RICTOR: variants seen among roughly 807,000 people sequenced by gnomAD.
RICTOR encodes RPTOR independent companion of MTOR complex 2.
Under a neutral mutation model 214.9 loss-of-function variants are expected in RICTOR, and 49 were observed. The observed-to-expected ratio is 0.23, with a 90% CI of 0.18 to 0.29. RICTOR has a LOEUF of 0.29. Among genes scored for constraint, RICTOR ranks in the 10% least tolerant of loss-of-function variants. The pLI is 1.00. For synonymous variants in RICTOR, 717 were observed against 711.3 expected (o/e 1.01, Z -0.13); for missense variants, 1,625 against 2,047.0 (o/e 0.79, Z 3.98).
At chr5:39,022,836 G>C (rs560318547) in intron 2 of RICTOR, among the ~76,000 whole-genome samples, 2 of 152,306 alleles carry the variant, frequency 1.3e-5, no homozygotes, top group South Asian at 2.1e-4. Flanking sequence ...GTATTGTCTA[G>C]CAATTTGGAG....
At chr5:38,997,185 TA>T (rs1016442373) in intron 5 of RICTOR, among the ~76,000 whole-genome samples, 8 of 152,110 alleles carry the variant, frequency 5.3e-5, no homozygotes, top group South Asian at 2.1e-4. Context: ...AAAAGTCTAC[TA>T]AAAAAATTCA....
intron 27 of RICTOR, among the ~76,000 whole-genome samples, chr5:38,953,969 G>A (rs1034514192): frequency 6.6e-6 from 1 of 151,812 alleles, no homozygotes; most frequent in Admixed American, 6.6e-5. Flanking sequence ...ATCATACTAT[G>A]TAAGTAGTAA....
chr5:38,950,602 T>C lies in RICTOR; in HGVS notation c.3246A>G (p.Lys1082=), dbSNP rs767728057. 6.2e-6 allele frequency: 10 copies of C among 1,613,318 alleles called. No individual in the cohort carries two copies. In the South Asian group the frequency reaches 9.9e-5, roughly 16 times the overall value. ...FYDRSGPIKD[K]NSFPFFASSK... ...TAGAAGCAAAGAAAGGGAATGAATT[T>C]TTATCCTTTATGGGTCCAGATCGGT... Residue 1082 remains lysine (K), a synonymous_variant, in exon 31 of 38, where the codon AAA becomes AAG. Transcript: ENST00000357387.
intron 2 of RICTOR, among the ~76,000 whole-genome samples, chr5:39,038,126 C>T (rs1756873411): frequency 6.6e-6 from 1 of 152,190 alleles, no homozygotes; most frequent in African/African-American, 2.4e-5. Context: ...CCACCATGAT[C>T]AAGTGGGCTT....
chr5:38,967,043 C>T (rs868263518), intron 14 of RICTOR, 118 bp downstream of exon 14: 28 of 790,852 alleles, frequency 3.5e-5, no homozygotes, highest in Middle Eastern at 7.7e-4. Context: ...TGAAGTGATC[C>T]GCCTGCCTTG....
chr5:39,026,134 A>G (rs1385087668), intron 2 of RICTOR, among the ~76,000 whole-genome samples: 2 of 152,230 alleles, frequency 1.3e-5, no homozygotes, highest in African/African-American at 2.4e-5. Flanking sequence ...AAATAAGATG[A>G]TATTCTCTGA....
intron 3 of RICTOR, among the ~76,000 whole-genome samples, chr5:39,015,374 A>G (rs1754865914): frequency 6.6e-6 from 1 of 152,168 alleles, no homozygotes; most frequent in Admixed American, 6.5e-5. Flanking sequence ...GACACAGTAC[A>G]ATTAAATTCA....
intron 8 of RICTOR, 29 bp from the exon 9 acceptor site, chr5:38,978,679 GTCTT>G: frequency 1.7e-6 from 2 of 1,146,246 alleles, no homozygotes; most frequent in Non-Finnish European, 2.5e-6. Context: ...GAAGAAAAGA[GTCTT>G]TATTTTAAAA....
At chr5:39,052,522 G>A (rs1352895111) in intron 2 of RICTOR, among the ~76,000 whole-genome samples, 2 of 152,106 alleles carry the variant, frequency 1.3e-5, no homozygotes, top group Non-Finnish European at 1.5e-5. Flanking sequence ...CATAAAAAAA[G>A]AACTTTTTAC....
rs542321305 is a variant in RICTOR, at chr5:38,955,620, T to A, written c.2584A>T (p.Asn862Tyr). 5.0e-6 allele frequency: 8 copies of A among 1,604,718 alleles called. No individual in the cohort carries two copies. The highest frequency in any genetic ancestry group is 6.8e-6 in the Non-Finnish European group (8 of 1,171,546). The change falls in exon 26 of 38, where the codon AAC becomes TAC. Residue 862 changes from asparagine to tyrosine, a missense_variant. Physicochemically the swap from Asn to Tyr is moderately radical, Grantham distance 143. Transcript: ENST00000357387. The stretch of plus-strand genomic sequence containing the variant: ...CTTTGGTTACTCCGACGAACATAGT[T>A]ATCACCATCAACAGGCTTCCGGTAA... ...TTYRKPVDGD[N>Y]YVRRSNQRLQ...
rs370937372 is a variant in RICTOR at position 39,012,525 on chromosome 5, C to T, written c.195+8514G>A. On this transcript the variant is annotated intron_variant, in intron 3 of 37. Transcript: ENST00000357387. ...AGTGAGTTAAAACATGGACATCCTG[C>T]GAAGCCTCTACTAATAATCAAGTTG... is the stretch of plus-strand genomic sequence containing the variant. 8.5e-5 allele frequency among the ~76,000 whole-genome samples: 13 copies of T among 152,228 alleles called. No individual in the cohort carries two copies. In the East Asian group the frequency reaches 1.2e-3, roughly 14 times the overall value.
At position 39,003,553 on chromosome 5, in the gene RICTOR, C is replaced by T; in HGVS notation, c.260+5G>A. On this transcript the variant is annotated splice_donor_5th_base_variant and intron_variant, in intron 4 of 37. Coordinates refer to ENST00000357387, the MANE Select transcript of RICTOR (RefSeq NM_152756.5). ...GGATGGGAGGGGGGAATGAACCACA[C>T]TTACCAAATTATGATATCCTCATAG... 1.9e-6 allele frequency: 3 copies of T among 1,590,486 alleles called. No individual in the cohort carries two copies. Among genetic ancestry groups the T allele is most frequent in the Non-Finnish European group, 2.6e-6 (3 of 1,160,510 alleles).
intron 2 of RICTOR, among the ~76,000 whole-genome samples, chr5:39,064,077 C>A (rs146702359): frequency 6.6e-6 from 1 of 152,150 alleles, no homozygotes; most frequent in Admixed American, 6.5e-5. Context: ...TATTTAGGTT[C>A]TCTTTCAACC....
chr5:38,944,645 T>C, intron 35 of RICTOR, 76 bp from the exon 36 acceptor site: 1 of 1,304,806 alleles, frequency 7.7e-7, no homozygotes. Flanking sequence ...AATTTATTTT[T>C]AAACTTCACC....
chr5:39,008,124 C>A (rs577206499), intron 3 of RICTOR, among the ~76,000 whole-genome samples: 3 of 151,676 alleles, frequency 2.0e-5, no homozygotes, highest in Non-Finnish European at 4.4e-5. Context: ...GAAAAATATG[C>A]AGAATCTATT....
Position 38,945,045 on chromosome 5 carries a change from C to T in RICTOR, c.4657G>A (p.Asp1553Asn), listed in dbSNP as rs1561436214. Residue 1553 changes from aspartate (D) to asparagine (N), a missense_variant, in exon 35 of 38, where the codon GAT (aspartate) becomes AAT (asparagine). By Grantham distance (23) the Asp-to-Asn change is conservative. Transcript: ENST00000357387. ...TTATGGATAGTCTGCTCACACCAAT[C>T]AGAATATGGAATATCTTGAAAGTCT... ...HSDFQDIPYS[D>N]WCEQTIHNPL... The T allele has an allele frequency of 1.9e-6, 3 of 1,608,370 alleles. No individual in the cohort carries two copies. Among genetic ancestry groups the T allele is most frequent in the Non-Finnish European group, 2.5e-6 (3 of 1,176,520 alleles).
intron 2 of RICTOR, among the ~76,000 whole-genome samples, chr5:39,035,936 C>G (rs1267821933): frequency 2.0e-5 from 3 of 152,110 alleles, no homozygotes; most frequent in Non-Finnish European, 2.9e-5. Flanking sequence ...GCAAGGCAGG[C>G]CAACATTCAG....
chr5:39,058,940 A>G (rs1373367830), intron 2 of RICTOR, among the ~76,000 whole-genome samples: 1 of 152,152 alleles, frequency 6.6e-6, no homozygotes, highest in Non-Finnish European at 1.5e-5. Flanking sequence ...CATATTATTA[A>G]CTGGCCAAAA....
intron 35 of RICTOR, 63 bp from the exon 36 acceptor site, chr5:38,944,632 T>C (rs1027698054): frequency 1.4e-6 from 2 of 1,388,244 alleles, no homozygotes; most frequent in Admixed American, 4.6e-5. Context: ...TTAAAACTCA[T>C]GAAATTTATT....
Sources: gnomAD v4.1 joint callset for allele counts (sites outside exome capture counted in the v4.1 genomes callset) on GRCh38, gnomAD v4.1.1 for gene constraint, MANE v1.5 for transcripts, NCBI Gene and HGNC (gene_info 2026-07-23, HGNC 2026-07-21) for gene names.